KYNU: variants seen among roughly 807,000 people sequenced by gnomAD.
KYNU encodes the protein L-kynurenine hydrolase.
In KYNU, 54 loss-of-function variants were observed where a neutral mutation model predicts 59.2. That is an observed-to-expected ratio of 0.91 (90% CI 0.73 to 1.14). The LOEUF (loss-of-function observed/expected upper bound fraction) is 1.14. Ranked by LOEUF, KYNU falls within the 50% of genes most tolerant of loss-of-function variation. KYNU has a pLI of 0.00. For synonymous variants in KYNU, 177 were observed against 192.0 expected, an observed-to-expected ratio of 0.92 and a Z score of 0.65; for missense variants, 567 against 554.4, an observed-to-expected ratio of 1.02 and a Z score of -0.23.
chr2:142,945,064 C>T (rs1462086074), intron 4 of KYNU, among the ~76,000 whole-genome samples: 7 of 152,188 alleles, frequency 4.6e-5, no homozygotes. Flanking sequence ...GGTTGTCTTG[C>T]CTCTATATTA....
At chr2:142,915,874 T>C (rs1682652458) in intron 2 of KYNU, among the ~76,000 whole-genome samples, 1 of 152,140 alleles carries the variant, frequency 6.6e-6, no homozygotes, top group Admixed American at 6.5e-5. Flanking sequence ...AATACTGTCC[T>C]TACAGAAATA....
chr2:143,032,146 C>T (rs1322987789), intron 11 of KYNU, among the ~76,000 whole-genome samples: 1 of 152,018 alleles, frequency 6.6e-6, no homozygotes, highest in Non-Finnish European at 1.5e-5. Context: ...GGCGTGGTGA[C>T]AGGCACCCGT....
chr2:142,972,805 T>TAGAG lies in KYNU; in HGVS notation c.729+12036_729+12037insGAGA, dbSNP rs200579092. Among the ~76,000 whole-genome samples, 400 of 138,974 alleles carry TAGAG rather than the reference T, an allele frequency of 2.9e-3. 2 individuals are homozygous for TAGAG. The highest frequency in any genetic ancestry group is 9.8e-3 in the African/African-American group (362 of 36,812). The allele number at this position is 138,974 out of a possible 152,430, so 91.2% of individuals were successfully genotyped here. A position where few individuals can be genotyped will look rare whatever the true frequency, so the allele number is the denominator to read the frequency against. Reference sequence around the variant, plus strand: ...GAGACAGAGGCCATATATATATATATATATATATAGAGAGAGAGAGAGAGA... The same window carrying TAGAG: ...GAGACAGAGGCCATATATATATATATAGAGATATATATAGAGAGAGAGAGAGAGA... On this transcript the variant is annotated intron_variant, in intron 8 of 13. Transcript: ENST00000264170.
chr2:142,984,325 A>G (rs1210275790), intron 8 of KYNU, among the ~76,000 whole-genome samples: 1 of 152,068 alleles, frequency 6.6e-6, no homozygotes, highest in Non-Finnish European at 1.5e-5. Context: ...AGTCATACTC[A>G]TGGAAGTGGA....
intron 2 of KYNU, among the ~76,000 whole-genome samples, chr2:142,888,326 C>T (rs1288359888): frequency 6.6e-6 from 1 of 152,028 alleles, no homozygotes; most frequent in Non-Finnish European, 1.5e-5. Context: ...GGCGTGATGG[C>T]ATGTGCTTTT....
intron 11 of KYNU, among the ~76,000 whole-genome samples, chr2:143,032,040 G>A (rs1558984500): frequency 6.6e-6 from 1 of 152,134 alleles, no homozygotes; most frequent in Non-Finnish European, 1.5e-5. Flanking sequence ...CACTTTGGGA[G>A]GCCAAGGCGG....
rs115132272 is a variant in KYNU, at chr2:143,000,196, T to C, written c.902+14175T>C. Among the ~76,000 whole-genome samples, 667 of 152,324 alleles carry C rather than the reference T, an allele frequency of 4.4e-3. 5 individuals are homozygous for C. Among genetic ancestry groups the C allele is most frequent in the African/African-American group, 0.015 (639 of 41,592 alleles). ...TACATGGCAGAAAACTATGTGAGTCTGTATTTATGACTGGTTGAATTGTTT... is the reference window on the plus strand; with the variant it reads ...TACATGGCAGAAAACTATGTGAGTCCGTATTTATGACTGGTTGAATTGTTT... On this transcript the variant is annotated intron_variant, in intron 10 of 13. Coordinates refer to ENST00000264170, the MANE Select transcript of KYNU (RefSeq NM_003937.3).
chr2:142,983,877 A>G (rs1408303490), intron 8 of KYNU, among the ~76,000 whole-genome samples: 2 of 152,084 alleles, frequency 1.3e-5, no homozygotes, highest in East Asian at 3.9e-4. Flanking sequence ...TGACTTAATA[A>G]AAGACAGCTG....
At chr2:142,893,646 A>C (rs1030644316) in intron 2 of KYNU, among the ~76,000 whole-genome samples, 1 of 152,102 alleles carries the variant, frequency 6.6e-6, no homozygotes, top group Admixed American at 6.6e-5. Flanking sequence ...ATGATTGTGC[A>C]TTGAGAAGAT....
At chr2:142,970,287 A>G (rs1028287404) in intron 8 of KYNU, among the ~76,000 whole-genome samples, 1 of 152,200 alleles carries the variant, frequency 6.6e-6, no homozygotes, top group African/African-American at 2.4e-5. Context: ...TAATCATCAT[A>G]TTGTCTATAA....
At chr2:142,933,726 G>A (rs1683298594) in intron 4 of KYNU, among the ~76,000 whole-genome samples, 2 of 152,146 alleles carry the variant, frequency 1.3e-5, no homozygotes, top group African/African-American at 2.4e-5. Flanking sequence ...CTACACAGGA[G>A]CAGATTATTA....
chr2:143,048,574 T>G lies in KYNU; in HGVS notation c.*6402T>G, dbSNP rs1416218052. 1 of 152,212 alleles carries G rather than the reference T, an allele frequency of 6.6e-6. No individual in the cohort carries two copies. The highest frequency in any genetic ancestry group is 2.4e-5 in the African/African-American group (1 of 41,460). 9.4% of individuals were successfully genotyped at this position (152,212 alleles called of 1,614,324 possible). On this transcript the variant is annotated 3_prime_UTR_variant, in exon 14 of 14. Transcript: ENST00000264170. The stretch of plus-strand genomic sequence containing the variant: ...CATATATAATTTATTACAATTCATT[T>G]TAATGAAAAACTTTTAGTGGTAAAT...
At chr2:142,929,083 G>A (rs1683131453) in intron 4 of KYNU, among the ~76,000 whole-genome samples, 1 of 148,840 alleles carries the variant, frequency 6.7e-6, no homozygotes, top group Non-Finnish European at 1.5e-5. Flanking sequence ...AAAGGAAGAT[G>A]CAAATAAATC....
chr2:142,883,198 T>C (rs1238804555), intron 1 of KYNU, among the ~76,000 whole-genome samples: 4 of 130,286 alleles, frequency 3.1e-5, no homozygotes, highest in Non-Finnish European at 4.9e-5. Context: ...TTTTTTTTTT[T>C]TTTTTTTTTT....
At chr2:142,891,681 A>C (rs984192442) in intron 2 of KYNU, among the ~76,000 whole-genome samples, 8 of 152,220 alleles carry the variant, frequency 5.3e-5, no homozygotes, top group African/African-American at 1.9e-4. Context: ...TAGGCTTAGA[A>C]GGCTGTGACA....
chr2:143,030,725 T>TTA (rs936945010), intron 11 of KYNU, among the ~76,000 whole-genome samples: 2 of 151,982 alleles, frequency 1.3e-5, no homozygotes, highest in African/African-American at 4.8e-5. Context: ...AGATAATATT[T>TTA]TATATATATA....
intron 10 of KYNU, chr2:142,989,611 T>G (rs1179599857): frequency 3.5e-6 from 2 of 566,214 alleles, no homozygotes; most frequent in Non-Finnish European, 4.5e-6. Flanking sequence ...TTATGTGTTC[T>G]TCTTTTTGAC....
intron 10 of KYNU, among the ~76,000 whole-genome samples, chr2:142,994,304 A>T (rs1432449113): frequency 6.6e-6 from 1 of 152,054 alleles, no homozygotes; most frequent in Non-Finnish European, 1.5e-5. Context: ...AGGCAGGCTA[A>T]CTTCACAGTC....
intron 8 of KYNU, among the ~76,000 whole-genome samples, chr2:142,972,969 A>G (rs943386882): frequency 6.7e-6 from 1 of 149,264 alleles, no homozygotes; most frequent in Non-Finnish European, 1.5e-5. Flanking sequence ...AAAAGATTGT[A>G]TCTTTGATGT....
Sources: allele counts gnomAD v4.1 joint callset (sites outside exome capture counted in the v4.1 genomes callset), GRCh38; gene constraint gnomAD v4.1.1; transcripts MANE v1.5; gene names NCBI Gene and HGNC (gene_info 2026-07-23, HGNC 2026-07-21).